The following CASZ1 variants were observed in gnomAD, a reference collection of about 807,000 sequenced individuals.
CASZ1 encodes castor zinc finger 1, also known as zinc finger protein castor homolog 1.
A neutral mutation model predicts 135.2 loss-of-function variants in CASZ1; 28 were observed. The ratio of observed to expected loss-of-function variants is 0.21; its 90% CI spans 0.15 to 0.28. The LOEUF (loss-of-function observed/expected upper bound fraction) is 0.28, where lower values mean the gene tolerates loss of function less well. Among genes scored for constraint, CASZ1 ranks in the 10% least tolerant of loss-of-function variants. The pLI is 1.00. For synonymous variants in CASZ1, 1,068 were observed against 1,073.4 expected (o/e 0.99, Z 0.10); for missense variants, 2,161 against 2,453.3 (o/e 0.88, Z 2.52).
intron 2 of CASZ1, among the ~76,000 whole-genome samples, chr1:10,734,846 T>G (rs1298481304): frequency 6.6e-6 from 1 of 152,152 alleles, no homozygotes; most frequent in Non-Finnish European, 1.5e-5. Context: ...ACACCTGCCC[T>G]GGGGTGCCAC....
intron 4 of CASZ1, among the ~76,000 whole-genome samples, chr1:10,681,083 T>C (rs1417265347): frequency 6.6e-6 from 1 of 152,154 alleles, no homozygotes; most frequent in African/African-American, 2.4e-5. Context: ...GAATTTTTAG[T>C]AGAGACGGGG....
chr1:10,766,201 C>A (rs995818829), intron 1 of CASZ1, among the ~76,000 whole-genome samples: 5 of 150,500 alleles, frequency 3.3e-5, no homozygotes, highest in African/African-American at 1.2e-4. Context: ...ACGTTCAGCA[C>A]GTGCACACAC....
rs185135766 is a variant in CASZ1, at chr1:10,645,818, T to A, written c.3696+310A>T. 2.0e-5 allele frequency among the ~76,000 whole-genome samples: 3 copies of A among 152,164 alleles called. No individual in the cohort carries two copies. The East Asian group carries it at 5.8e-4, about 29-fold the overall frequency. On this transcript the variant is annotated intron_variant, in intron 17 of 20. Transcript: ENST00000377022. ...GGGCCTGTTCGAAAATTCTAGGGCT[T>A]TGGAAAAAGGGGGCATAAAGCTAGT...
chr1:10,777,098 C>T lies in CASZ1; in HGVS notation c.-233-16241G>A, dbSNP rs140672139. ...TGTCACTGACTAGCTGTAGGGCCTG[C>T]GGCACGAAGCAACCTCCCTCTGGGC... On this transcript the variant is annotated intron_variant, in intron 1 of 20. Coordinates refer to ENST00000377022, the MANE Select transcript of CASZ1 (RefSeq NM_001079843.3). The surrounding 1 kb of genome is among the most constrained non-coding windows in gnomAD (Gnocchi z 4.4). Among the ~76,000 whole-genome samples, 56 of 152,306 alleles carry T rather than the reference C, an allele frequency of 3.7e-4. 2 individuals are homozygous for T. The East Asian group carries it at 8.3e-3, about 23-fold the overall frequency.
intron 4 of CASZ1, among the ~76,000 whole-genome samples, chr1:10,692,680 G>A (rs1181344637): frequency 6.6e-6 from 1 of 152,152 alleles, no homozygotes; most frequent in Non-Finnish European, 1.5e-5. Context: ...AACAAACACA[G>A]GCCCTTCTTC....
chr1:10,735,535 G>C lies in CASZ1; in HGVS notation c.-77+25166C>G, dbSNP rs944883590. Among the ~76,000 whole-genome samples, 1 of 152,164 alleles carries C rather than the reference G, an allele frequency of 6.6e-6. No homozygotes were observed. The highest frequency in any genetic ancestry group is 1.5e-5 in the Non-Finnish European group (1 of 68,024). ...CCAAAGTTTGGATCAAACTTTGCCTGGGGGAGGGGGTGTGCTGCAGGAAGG... is the reference window on the plus strand; with the variant it reads ...CCAAAGTTTGGATCAAACTTTGCCTCGGGGAGGGGGTGTGCTGCAGGAAGG... On this transcript the variant is annotated intron_variant, in intron 2 of 20. Coordinates refer to ENST00000377022, the MANE Select transcript of CASZ1 (RefSeq NM_001079843.3). The surrounding 1 kb of genome is among the most constrained non-coding windows in gnomAD (Gnocchi z 5.1).
In CASZ1 at chr1:10,643,620, C is replaced by T. The variant is rs77161186; in HGVS notation, c.3869-309G>A. 3.0e-4 allele frequency among the ~76,000 whole-genome samples: 46 copies of T among 152,342 alleles called. 2 individuals are homozygous for T. The East Asian group carries it at 8.7e-3, about 29-fold the overall frequency. ...TCCAAGGCAAGGGACCCTCATGGTC[C>T]CTGCACACTGGGCCAGCTACCTCCC... On this transcript the variant is annotated intron_variant, in intron 18 of 20. Transcript: ENST00000377022.
intron 2 of CASZ1, among the ~76,000 whole-genome samples, chr1:10,746,148 C>T (rs1010171253): frequency 2.0e-5 from 3 of 152,254 alleles, no homozygotes; most frequent in Non-Finnish European, 4.4e-5. Flanking sequence ...ACTGTTCCCG[C>T]TGTCCAGGCC....
At chr1:10,773,006 C>A (rs956486820) in intron 1 of CASZ1, among the ~76,000 whole-genome samples, 1 of 152,002 alleles carries the variant, frequency 6.6e-6, no homozygotes. Flanking sequence ...CTGGCCCCCA[C>A]TCACTAAGAT....
chr1:10,642,345 GA>G lies in CASZ1; in HGVS notation c.4162+513del, dbSNP rs35189514. 7.0e-3 allele frequency: 575 copies of G among 81,852 alleles called. 1 individual carries two copies. The highest frequency in any genetic ancestry group is 0.018 in the Middle Eastern group (3 of 166). The allele number at this position is 81,852 out of a possible 1,614,324, so 5.1% of individuals were successfully genotyped here. On this transcript the variant is annotated intron_variant, in intron 20 of 20. Transcript: ENST00000377022. Reference sequence around the variant, plus strand: ...AGCCTGGAGAGGGTGGAGAAAAGCAGAAAAAAAAAAAAAAAAAGAAACCAAA... The same window carrying G: ...AGCCTGGAGAGGGTGGAGAAAAGCAGAAAAAAAAAAAAAAAAGAAACCAAA...
intron 4 of CASZ1, among the ~76,000 whole-genome samples, chr1:10,687,679 G>A (rs1638638363): frequency 6.6e-6 from 1 of 152,196 alleles, no homozygotes; most frequent in Non-Finnish European, 1.5e-5. Context: ...AAGGGGAGAG[G>A]GAGATGGGCA....
In CASZ1 at chr1:10,719,573, C is replaced by A. The variant is rs928525097; in HGVS notation, c.-76-14029G>T. 6.6e-6 allele frequency among the ~76,000 whole-genome samples: 1 copy of A among 152,174 alleles called. No individual in the cohort carries two copies. Among genetic ancestry groups the A allele is most frequent in the Non-Finnish European group, 1.5e-5 (1 of 68,036 alleles). ...AAGGGACACTCAGGTCCACCTGGAG[C>A]ACGAGGAGAGGCTGGCCACCTGTAG... On this transcript the variant is annotated intron_variant, in intron 2 of 20. Coordinates refer to ENST00000377022, the MANE Select transcript of CASZ1 (RefSeq NM_001079843.3). The surrounding 1 kb of genome is among the most constrained non-coding windows in gnomAD (Gnocchi z 4.0).
rs142048465 is a variant in CASZ1, at chr1:10,711,202, G to A, written c.-76-5658C>T. Reference sequence around the variant, plus strand: ...AGAATTGAGTTTGAATCCTGCCTCTGCTGCCTCCTGCCATGCAATTGGGTA... The same window carrying A: ...AGAATTGAGTTTGAATCCTGCCTCTACTGCCTCCTGCCATGCAATTGGGTA... On this transcript the variant is annotated intron_variant, in intron 2 of 20. Transcript: ENST00000377022. The surrounding 1 kb of genome is among the most constrained non-coding windows in gnomAD (Gnocchi z 4.4). Among the ~76,000 whole-genome samples, 1 of 152,314 alleles carries A rather than the reference G, an allele frequency of 6.6e-6. No homozygotes were observed. The highest frequency in any genetic ancestry group is 2.4e-5 in the African/African-American group (1 of 41,570).
In CASZ1 at chr1:10,639,880, A is replaced by G. The variant is rs768450888; in HGVS notation, c.4342T>C (p.Cys1448Arg). 6.2e-7 allele frequency: 1 copy of G among 1,612,540 alleles called. No homozygotes were observed. The highest frequency in any genetic ancestry group is 1.1e-5 in the South Asian group (1 of 90,984). ...TGGGTGACCTTGAGCGAGAACTGAC[A>G]AGCTGCGTCCTTGCAGTCCTCGTAA... ...DLYEDCKDAA[C>R]QFSLKVTHYH... is the part of the protein sequence containing the mutation. Residue 1448 changes from cysteine to arginine, a missense_variant, in exon 21 of 21, where the codon TGT becomes CGT. Cys to Arg is a radical substitution (Grantham distance 180, BLOSUM62 -3). Around this residue, in one of 7 missense-constraint regions of CASZ1, gnomAD observed 240 missense variants for 321.4 expected, o/e 0.75. Coordinates refer to ENST00000377022, the MANE Select transcript of CASZ1 (RefSeq NM_001079843.3). This position sits in a 1 kb window ranked among gnomAD's most constrained non-coding sequence, Gnocchi z 4.0.
chr1:10,742,759 G>A (rs1639948322), intron 2 of CASZ1, among the ~76,000 whole-genome samples: 4 of 152,092 alleles, frequency 2.6e-5, no homozygotes, highest in Non-Finnish European at 4.4e-5. Context: ...TGAGGCAGGC[G>A]GATCACTTGA....
chr1:10,769,678 G>A (rs1017402386), intron 1 of CASZ1, among the ~76,000 whole-genome samples: 1 of 151,944 alleles, frequency 6.6e-6, no homozygotes, highest in African/African-American at 2.4e-5. Flanking sequence ...CACCACACCC[G>A]GCTAATTTTT....
chr1:10,673,606 T>C (rs931532826), intron 4 of CASZ1, among the ~76,000 whole-genome samples: 1 of 152,150 alleles, frequency 6.6e-6, no homozygotes, highest in Non-Finnish European at 1.5e-5. Flanking sequence ...AAACTTTCAT[T>C]ACCCATGCAC....
At chr1:10,698,561 G>C (rs1325430387) in intron 3 of CASZ1, among the ~76,000 whole-genome samples, 1 of 152,038 alleles carries the variant, frequency 6.6e-6, no homozygotes, top group East Asian at 1.9e-4. Flanking sequence ...AAAAAGAAAG[G>C]CCAGCAAAAT....
At chr1:10,693,823 G>A (rs369295463) in intron 4 of CASZ1, 51 bp downstream of exon 4, 2 of 1,356,490 alleles carry the variant, frequency 1.5e-6, no homozygotes, top group Non-Finnish European at 2.0e-6. Flanking sequence ...TTCCGTAAAA[G>A]AAGCGAAAGA....
Sources: allele counts gnomAD v4.1 joint callset (sites outside exome capture counted in the v4.1 genomes callset), GRCh38; gene constraint gnomAD v4.1.1; regional missense constraint gnomAD v4.1.1; non-coding constraint Gnocchi (gnomAD v3.1); transcripts MANE v1.5; gene names NCBI Gene and HGNC (gene_info 2026-07-23, HGNC 2026-07-21).